The following PLAAT2 variants were observed in gnomAD, a reference collection of about 807,000 sequenced individuals.
PLAAT2 encodes phospholipase A and acyltransferase 2, also known as HRAS like suppressor 2.
PLAAT2 carries 12 observed loss-of-function variants against 12.8 expected under a neutral mutation model. That is an observed-to-expected ratio of 0.94 (90% CI 0.60 to 1.52). PLAAT2 has a LOEUF of 1.52. Among genes scored for constraint, PLAAT2 ranks in the 40% most tolerant of loss-of-function variants. The pLI is 0.00. For synonymous variants in PLAAT2, 79 were observed against 86.8 expected, an observed-to-expected ratio of 0.91 and a Z score of 0.50; for missense variants, 166 against 208.1, an observed-to-expected ratio of 0.80 and a Z score of 1.24.
chr11:63,561,171 T>C (rs949567703), intron 1 of PLAAT2, among the ~76,000 whole-genome samples: 51 of 152,214 alleles, frequency 3.4e-4, no homozygotes, highest in African/African-American at 1.2e-3. Context: ...TCATTTGAAG[T>C]AATTTGGATG....
At chr11:63,558,752 G>T in intron 2 of PLAAT2, 92 bp from the exon 3 acceptor site, 1 of 1,466,356 alleles carries the variant, frequency 6.8e-7, no homozygotes. Context: ...CCATCAAGGA[G>T]GAGCAGCTGT....
intron 3 of PLAAT2, among the ~76,000 whole-genome samples, chr11:63,557,822 A>ACGCTGTTCC (rs2017479105): frequency 6.6e-6 from 1 of 152,130 alleles, no homozygotes; most frequent in Non-Finnish European, 1.5e-5. Flanking sequence ...TTCCTGGCTC[A>ACGCTGTTCC]CGCTGTTCCC....
Position 63,556,102 on chromosome 11 carries a change from C to T in PLAAT2, c.387+2290G>A, listed in dbSNP as rs574391619. ...ATCTATTAGAGCAGGGGCTGGATGG[C>T]GTTGTTGTGTGCCAAGAGTCCTGCA... On this transcript the variant is annotated intron_variant, in intron 3 of 3. Coordinates refer to ENST00000255695, the MANE Select transcript of PLAAT2 (RefSeq NM_017878.2). Among the ~76,000 whole-genome samples the T allele has an allele frequency of 2.6e-4, 40 of 152,212 alleles. No individual in the cohort carries two copies. In the South Asian group the frequency reaches 7.5e-3, roughly 28 times the overall value.
chr11:63,557,482 G>A (rs1032981254), intron 3 of PLAAT2, among the ~76,000 whole-genome samples: 5 of 151,856 alleles, frequency 3.3e-5, no homozygotes, highest in African/African-American at 4.8e-5. Flanking sequence ...AGCCATGATC[G>A]AACTCCACAT....
intron 1 of PLAAT2, 93 bp downstream of exon 1, chr11:63,563,223 C>A: frequency 6.7e-7 from 1 of 1,482,492 alleles, no homozygotes; most frequent in African/African-American, 1.4e-5. Flanking sequence ...CCCTCCATGC[C>A]AGAGCTGTAG....
intron 3 of PLAAT2, among the ~76,000 whole-genome samples, chr11:63,553,306 CAG>C (rs920378670): frequency 6.6e-6 from 1 of 152,046 alleles, no homozygotes; most frequent in African/African-American, 2.4e-5. Context: ...GTGATATACA[CAG>C]AGTCAAAGGA....
At chr11:63,563,459 C>T, upstream of PLAAT2, 10 of 1,031,854 alleles carry the variant, frequency 9.7e-6, no homozygotes, top group Non-Finnish European at 1.5e-5. Context: ...TGGCTCACAC[C>T]TGTAATCCCA....
At position 63,558,637 on chromosome 11, in the gene PLAAT2, C is replaced by T. The variant is rs187681629; in HGVS notation, c.142G>A (p.Ala48Thr). ...PASEIAGAGAASVLSALTNKA... is the reference protein window; with the variant it reads ...PASEIAGAGATSVLSALTNKA... ...TTGGTCAGGGCAGACAGGACACTGG[C>T]CGCACCAGCTCCAGCAATTTCACCT... Residue 48 changes from alanine to threonine, a missense_variant, in exon 3 of 4, where the codon GCC becomes ACC. Physicochemically the swap from Ala to Thr is moderately conservative, Grantham distance 58 (BLOSUM62 0). Coordinates refer to ENST00000255695, the MANE Select transcript of PLAAT2 (RefSeq NM_017878.2). 6.3e-5 allele frequency: 101 copies of T among 1,614,214 alleles called. 1 individual carries two copies.
Position 63,558,494 on chromosome 11 carries a change from C to T in PLAAT2, c.285G>A (p.Arg95=). Residue 95 remains arginine, a synonymous_variant, in exon 3 of 4, where the codon CGG becomes CGA. Coordinates refer to ENST00000255695, the MANE Select transcript of PLAAT2 (RefSeq NM_017878.2). ...TPLPSNKIVK[R]AEELVGQELP... The stretch of plus-strand genomic sequence containing the variant: ...ACTCCTGCCCCACCAACTCCTCTGC[C>T]CGCTTGACGATTTTGTTGGAAGGCA... 6.2e-7 allele frequency: 1 copy of T among 1,614,222 alleles called. No individual in the cohort carries two copies. The highest frequency in any genetic ancestry group is 8.5e-7 in the Non-Finnish European group (1 of 1,180,044).
intron 3 of PLAAT2, among the ~76,000 whole-genome samples, chr11:63,553,767 G>A (rs1406776217): frequency 6.6e-6 from 1 of 152,192 alleles, no homozygotes; most frequent in East Asian, 1.9e-4. Context: ...AGGCAGATAT[G>A]AAGTTGGGAA....
chr11:63,553,076 A>G lies in PLAAT2; in HGVS notation c.388-11T>C. On this transcript the variant is annotated splice_polypyrimidine_tract_variant and intron_variant, in intron 3 of 3. Transcript: ENST00000255695. Reference sequence around the variant, plus strand: ...GACTGCACCAGTGACCTGCAGCAGAAGAGAAGGGAGAGCACACTCAGCATC... The same window carrying G: ...GACTGCACCAGTGACCTGCAGCAGAGGAGAAGGGAGAGCACACTCAGCATC... The G allele has an allele frequency of 6.3e-7, 1 of 1,581,032 alleles. No individual in the cohort carries two copies.
chr11:63,563,213 C>T (rs2017533809), intron 1 of PLAAT2, 103 bp downstream of exon 1: 5 of 1,348,384 alleles, frequency 3.7e-6, no homozygotes, highest in Non-Finnish European at 5.3e-6. Flanking sequence ...TGCCCATGTG[C>T]CCTCCATGCC....
At chr11:63,562,568 G>A (rs985094522) in intron 1 of PLAAT2, among the ~76,000 whole-genome samples, 4 of 152,178 alleles carry the variant, frequency 2.6e-5, no homozygotes, top group Admixed American at 6.5e-5. Context: ...AGCCTCCTAA[G>A]TTCGAATTCC....
chr11:63,560,845 G>A (rs971882150), intron 1 of PLAAT2, among the ~76,000 whole-genome samples: 9 of 152,254 alleles, frequency 5.9e-5, no homozygotes, highest in Admixed American at 1.3e-4. Context: ...TCCTAGGCAA[G>A]CCCAGGGCAG....
chr11:63,560,729 A>C (rs759845942), intron 1 of PLAAT2, among the ~76,000 whole-genome samples: 1 of 152,198 alleles, frequency 6.6e-6, no homozygotes, highest in Non-Finnish European at 1.5e-5. Context: ...CAATGAGCAC[A>C]TGGAGTCTCA....
chr11:63,560,182 T>A lies in PLAAT2; in HGVS notation c.21A>T (p.Arg7Ser). 6.2e-7 allele frequency: 1 copy of A among 1,613,194 alleles called. No individual in the cohort carries two copies. Among genetic ancestry groups the A allele is most frequent in the Middle Eastern group, 1.7e-4 (1 of 6,060 alleles). MALARP[R>S]PRLGDLIEIS... is the part of the protein sequence containing the mutation. ...TCTCAATCAGGTCTCCAAGTCTCGG[T>A]CTTGGTCTGGCCTGCAACAGAAAAA... Residue 7 changes from arginine (R) to serine (S), a missense_variant, in exon 2 of 4, where the codon AGA becomes AGT. Transcript: ENST00000255695.
chr11:63,560,271 C>G, intron 1 of PLAAT2, 78 bp from the exon 2 acceptor site: 1 of 1,005,874 alleles, frequency 9.9e-7, no homozygotes, highest in Non-Finnish European at 1.5e-6. Flanking sequence ...GCAAGGAGCC[C>G]CAGCTCAGCC....
chr11:63,554,883 A>G (rs1035915594), intron 3 of PLAAT2, among the ~76,000 whole-genome samples: 6 of 152,364 alleles, frequency 3.9e-5, no homozygotes, highest in African/African-American at 1.2e-4. Flanking sequence ...TCCAAGTGTC[A>G]AAGACAAACA....
chr11:63,553,711 C>G (rs1161051767), intron 3 of PLAAT2, among the ~76,000 whole-genome samples: 1 of 152,154 alleles, frequency 6.6e-6, no homozygotes, highest in Admixed American at 6.5e-5. Context: ...GACAGAGGGG[C>G]AGTGCCCCAA....
Sources: gnomAD v4.1 joint callset for allele counts (sites outside exome capture counted in the v4.1 genomes callset) on GRCh38, gnomAD v4.1.1 for gene constraint, MANE v1.5 for transcripts, NCBI Gene and HGNC (gene_info 2026-07-23, HGNC 2026-07-21) for gene names.